The following TTLL5 variants were observed in gnomAD, a reference collection of about 807,000 sequenced individuals.
The protein encoded by TTLL5 is tubulin tyrosine ligase like 5, also known as tubulin polyglutamylase TTLL5.
In TTLL5, 132 loss-of-function variants were observed where a neutral mutation model predicts 168.4. That is an observed-to-expected ratio of 0.78 (90% CI 0.68 to 0.91). The LOEUF is 0.91. Ranked by LOEUF, TTLL5 falls within the 40% of genes least tolerant of loss-of-function variation. The pLI is 0.00. For synonymous variants in TTLL5, 546 were observed against 558.6 expected (o/e 0.98, Z 0.32); for missense variants, 1,545 against 1,581.5 (o/e 0.98, Z 0.39).
At position 75,832,658 on chromosome 14, in the gene TTLL5, T is replaced by C. The variant is rs190286375; in HGVS notation, c.3326+12497T>C. Among the ~76,000 whole-genome samples the C allele has an allele frequency of 1.8e-3, 273 of 152,290 alleles. 1 individual carries two copies. The highest frequency in any genetic ancestry group is 6.3e-3 in the African/African-American group (263 of 41,564). Reference sequence around the variant, plus strand: ...AAAGTATTACACATGATTGGGTCTTTTCAGTACTAATAACACTCATCACTA... The same window carrying C: ...AAAGTATTACACATGATTGGGTCTTCTCAGTACTAATAACACTCATCACTA... On this transcript the variant is annotated intron_variant, in intron 28 of 31. Transcript: ENST00000298832.
At chr14:75,681,458 G>T in intron 3 of TTLL5, 87 bp from the exon 4 acceptor site, 1 of 999,620 alleles carries the variant, frequency 1.0e-6, no homozygotes, top group South Asian at 1.3e-5. Flanking sequence ...TAATGTTATT[G>T]AGTATAATTA....
chr14:75,824,184 A>G (rs1566619686), intron 28 of TTLL5, among the ~76,000 whole-genome samples: 1 of 152,154 alleles, frequency 6.6e-6, no homozygotes, highest in African/African-American at 2.4e-5. Flanking sequence ...ATGGTTCCCA[A>G]TCTCAAAATT....
chr14:75,717,769 C>A, intron 9 of TTLL5, 92 bp from the exon 10 acceptor site: 1 of 1,180,002 alleles, frequency 8.5e-7, no homozygotes, highest in Non-Finnish European at 1.2e-6. Flanking sequence ...ATGATATTAC[C>A]CTCCTTTATT....
intron 31 of TTLL5, among the ~76,000 whole-genome samples, chr14:75,942,340 T>C (rs1301978113): frequency 6.6e-6 from 1 of 152,152 alleles, no homozygotes; most frequent in Admixed American, 6.5e-5. Context: ...TTGCCACCCA[T>C]AGGGTAACAG....
intron 28 of TTLL5, among the ~76,000 whole-genome samples, chr14:75,851,908 G>C (rs567172819): frequency 3.9e-5 from 6 of 152,104 alleles, no homozygotes; most frequent in African/African-American, 1.4e-4. Context: ...TGGTTACCCC[G>C]TGCCCCGAAA....
At chr14:75,759,962 T>G (rs1251230101) in intron 18 of TTLL5, among the ~76,000 whole-genome samples, 1 of 152,128 alleles carries the variant, frequency 6.6e-6, no homozygotes, top group Non-Finnish European at 1.5e-5. Context: ...TAGGGCAAGA[T>G]GTCCACTCAT....
chr14:75,717,856 A>G lies in TTLL5; in HGVS notation c.741-5A>G. 2 of 1,613,320 alleles carry G rather than the reference A, an allele frequency of 1.2e-6. No individual in the cohort carries two copies. Among genetic ancestry groups the G allele is most frequent in the Non-Finnish European group, 8.5e-7 (1 of 1,179,684 alleles). ...CTGGCATTTAACCTGTTTCCCTTCT[A>G]TCAGGTTTGCAACTGTGCGATATGA... On this transcript the variant is annotated splice_polypyrimidine_tract_variant and splice_region_variant and intron_variant, in intron 9 of 31. Transcript: ENST00000298832.
intron 17 of TTLL5, among the ~76,000 whole-genome samples, chr14:75,746,426 A>C (rs942138818): frequency 6.6e-6 from 1 of 151,304 alleles, no homozygotes. Flanking sequence ...TCTTTTCGTC[A>C]TTTTCAGGCT....
chr14:75,799,799 TCC>T (rs1356561400), intron 27 of TTLL5, among the ~76,000 whole-genome samples: 1 of 152,226 alleles, frequency 6.6e-6, no homozygotes, highest in East Asian at 1.9e-4. Context: ...AGGACCCCAC[TCC>T]CTTCTAGCTT....
intron 12 of TTLL5, among the ~76,000 whole-genome samples, chr14:75,722,845 G>A (rs184424675): frequency 4.3e-4 from 65 of 152,158 alleles, no homozygotes; most frequent in African/African-American, 1.2e-3. Flanking sequence ...CTGTTTTACC[G>A]TGTGTCTGAA....
At chr14:75,914,033 A>AAAAAAAAAAAAAAT in intron 31 of TTLL5, among the ~76,000 whole-genome samples, 1 of 71,096 alleles carries the variant, frequency 1.4e-5, no homozygotes, top group Non-Finnish European at 2.1e-5. Context: ...AAAAAAAAAA[A>AAAAAAAAAAAAAAT]ATATATATAT....
chr14:75,725,577 A>G (rs1207952433), intron 12 of TTLL5, among the ~76,000 whole-genome samples: 1 of 152,252 alleles, frequency 6.6e-6, no homozygotes, highest in East Asian at 1.9e-4. Context: ...CATGCAGCTA[A>G]TAAATGGCAA....
intron 12 of TTLL5, chr14:75,732,104 C>T (rs1888588135): frequency 2.6e-6 from 1 of 383,580 alleles, no homozygotes; most frequent in South Asian, 3.2e-5. Context: ...CATCAATAGA[C>T]ACTGCATGAT....
At chr14:75,916,527 A>G (rs1200177141) in intron 31 of TTLL5, among the ~76,000 whole-genome samples, 6 of 152,052 alleles carry the variant, frequency 3.9e-5, no homozygotes, top group Non-Finnish European at 8.8e-5. Context: ...AGTTCTAACT[A>G]CTTGGGAGAC....
chr14:75,804,433 A>C (rs1893534024), intron 27 of TTLL5, among the ~76,000 whole-genome samples: 1 of 152,216 alleles, frequency 6.6e-6, no homozygotes, highest in East Asian at 1.9e-4. Flanking sequence ...AGACGGAGCT[A>C]AATCTTTGAA....
At chr14:75,851,638 G>A (rs902979537) in intron 28 of TTLL5, among the ~76,000 whole-genome samples, 4 of 152,164 alleles carry the variant, frequency 2.6e-5, no homozygotes, top group African/African-American at 9.7e-5. Context: ...TTCCACCATA[G>A]GAAAGTCCCC....
intron 3 of TTLL5, among the ~76,000 whole-genome samples, chr14:75,676,663 A>G (rs1338026031): frequency 6.6e-6 from 1 of 152,126 alleles, no homozygotes; most frequent in Non-Finnish European, 1.5e-5. Flanking sequence ...GTCACTGCTT[A>G]CTATTTATGT....
intron 26 of TTLL5, among the ~76,000 whole-genome samples, chr14:75,789,148 G>C (rs1410060243): frequency 6.6e-6 from 1 of 152,140 alleles, no homozygotes; most frequent in Non-Finnish European, 1.5e-5. Context: ...CCTAAATACG[G>C]AAATGTTGAA....
chr14:75,755,714 T>C (rs1890216527), intron 18 of TTLL5, among the ~76,000 whole-genome samples: 1 of 152,156 alleles, frequency 6.6e-6, no homozygotes, highest in Non-Finnish European at 1.5e-5. Flanking sequence ...ATTGTGTTTG[T>C]AGCAAGTCCT....
Sources: gnomAD v4.1 joint callset for allele counts (sites outside exome capture counted in the v4.1 genomes callset) on GRCh38, gnomAD v4.1.1 for gene constraint, MANE v1.5 for transcripts, NCBI Gene and HGNC (gene_info 2026-07-23, HGNC 2026-07-21) for gene names.